The following SLC44A5 variants were observed in gnomAD, a reference collection of about 807,000 sequenced individuals.
SLC44A5 encodes the protein solute carrier family 44 member 5.
SLC44A5 carries 57 observed loss-of-function variants against 101.8 expected under a neutral mutation model. That is an observed-to-expected ratio of 0.56 (90% CI 0.45 to 0.70). SLC44A5 has a LOEUF of 0.70. Among genes scored for constraint, SLC44A5 ranks in the 30% least tolerant of loss-of-function variants. The pLI, the probability that SLC44A5 is intolerant of heterozygous loss-of-function variation, is 0.00. For missense variants in SLC44A5, 737 were observed against 853.1 expected (o/e 0.86, Z 1.70); for synonymous variants, 281 against 290.9 (o/e 0.97, Z 0.35).
chr1:75,256,709 C>T (rs749924466), intron 6 of SLC44A5, among the ~76,000 whole-genome samples: 15 of 151,774 alleles, frequency 9.9e-5, no homozygotes, highest in African/African-American at 1.9e-4. Context: ...TGAAAGGGAA[C>T]GAAAAGATGG....
chr1:75,513,841 T>C (rs1323809498), intron 2 of SLC44A5, among the ~76,000 whole-genome samples: 1 of 152,180 alleles, frequency 6.6e-6, no homozygotes, highest in Non-Finnish European at 1.5e-5. Context: ...ACTGCCATAT[T>C]ATCATTGTCT....
At chr1:75,313,485 T>C (rs1655460411) in intron 4 of SLC44A5, among the ~76,000 whole-genome samples, 1 of 152,232 alleles carries the variant, frequency 6.6e-6, no homozygotes. Flanking sequence ...GGCATCTGTC[T>C]TTTCTGTAAT....
intron 9 of SLC44A5, among the ~76,000 whole-genome samples, chr1:75,239,532 C>T (rs948921233): frequency 6.6e-6 from 1 of 152,014 alleles, no homozygotes; most frequent in South Asian, 2.1e-4. Context: ...ACTTTCCTGG[C>T]TTAAAAGGAT....
the SLC44A5 span, among the ~76,000 whole-genome samples, chr1:75,684,460 G>A: frequency 1.3e-5 from 2 of 152,102 alleles, no homozygotes; most frequent in African/African-American, 4.8e-5. Flanking sequence ...AGGAGCCCAT[G>A]AAATCAAAGC....
chr1:75,642,883 T>A, the SLC44A5 span, among the ~76,000 whole-genome samples: 1 of 152,076 alleles, frequency 6.6e-6, no homozygotes, highest in South Asian at 2.1e-4. Context: ...ACAGAAAAAA[T>A]TGTAAACAAA....
chr1:75,308,460 C>A (rs914501490), intron 4 of SLC44A5, among the ~76,000 whole-genome samples: 4 of 151,456 alleles, frequency 2.6e-5, no homozygotes, highest in Non-Finnish European at 5.9e-5. Context: ...TGAAAGGGGG[C>A]AAGATAAGAC....
intron 6 of SLC44A5, among the ~76,000 whole-genome samples, chr1:75,271,047 A>G (rs1320677520): frequency 6.6e-6 from 1 of 152,006 alleles, no homozygotes; most frequent in Non-Finnish European, 1.5e-5. Context: ...TTTGTGGGCA[A>G]TGTCTAGAAT....
chr1:75,722,531 C>G, the SLC44A5 span, among the ~76,000 whole-genome samples: 1 of 152,142 alleles, frequency 6.6e-6, no homozygotes, highest in East Asian at 1.9e-4. Flanking sequence ...ACAAATGTTT[C>G]TTATGATTAG....
intron 5 of SLC44A5, among the ~76,000 whole-genome samples, chr1:75,284,889 T>C (rs1570573452): frequency 6.6e-6 from 1 of 152,174 alleles, no homozygotes; most frequent in East Asian, 1.9e-4. Flanking sequence ...ATTGTTTTGA[T>C]GTGCTGTTGG....
At chr1:75,616,952 G>A in the SLC44A5 span, among the ~76,000 whole-genome samples, 1 of 152,176 alleles carries the variant, frequency 6.6e-6, no homozygotes, top group African/African-American at 2.4e-5. Context: ...CTCTCTGATT[G>A]GGGGTTTGCT....
Position 75,599,689 on chromosome 1 carries a change from C to A in SLC44A5, c.-70+11351G>T, listed in dbSNP as rs373601690. 3.9e-5 allele frequency among the ~76,000 whole-genome samples: 6 copies of A among 152,186 alleles called. No homozygotes were observed. In the East Asian group the frequency reaches 5.8e-4, roughly 15 times the overall value. On this transcript the variant is annotated intron_variant, in intron 1 of 23. Transcript: ENST00000370859. ...AATCTTGGAAAAAAATAGAAATTTT[C>A]AGAATTATACATGTGCACACACACA...
At chr1:75,395,173 A>G (rs1302504010) in intron 3 of SLC44A5, among the ~76,000 whole-genome samples, 1 of 152,066 alleles carries the variant, frequency 6.6e-6, no homozygotes, top group Non-Finnish European at 1.5e-5. Flanking sequence ...TGAGGGCTTT[A>G]TTTTAGGCCT....
chr1:75,506,707 T>C (rs1669276985), intron 2 of SLC44A5, among the ~76,000 whole-genome samples: 1 of 152,096 alleles, frequency 6.6e-6, no homozygotes, highest in South Asian at 2.1e-4. Context: ...GACACTTTAC[T>C]GAAGTTGTTT....
chr1:75,723,807 A>T, the SLC44A5 span: 3 of 152,228 alleles, frequency 2.0e-5, no homozygotes, highest in African/African-American at 7.2e-5. Flanking sequence ...AACACACTAT[A>T]AATTCCCAGA....
chr1:75,254,986 G>A (rs766448606), intron 6 of SLC44A5, among the ~76,000 whole-genome samples: 29 of 152,128 alleles, frequency 1.9e-4, no homozygotes, highest in Non-Finnish European at 3.1e-4. Flanking sequence ...GCTGGGCCAC[G>A]TGGAGCCCAT....
intron 23 of SLC44A5, among the ~76,000 whole-genome samples, chr1:75,208,914 C>A (rs1196907339): frequency 6.6e-6 from 1 of 152,034 alleles, no homozygotes; most frequent in Non-Finnish European, 1.5e-5. Context: ...GTAAAAATCA[C>A]CAGTTTTCTG....
intron 2 of SLC44A5, chr1:75,521,523 T>C (rs1235042426): frequency 6.6e-6 from 1 of 152,132 alleles, no homozygotes; most frequent in Non-Finnish European, 1.5e-5. Context: ...AACCATAGAG[T>C]ACTACAAAAC....
chr1:75,701,495 T>G, the SLC44A5 span, among the ~76,000 whole-genome samples: 43 of 152,256 alleles, frequency 2.8e-4, no homozygotes, highest in Admixed American at 6.5e-4. Context: ...GAGGTATTGA[T>G]GGGATGTATC....
At chr1:75,360,353 T>C (rs1659398417) in intron 3 of SLC44A5, among the ~76,000 whole-genome samples, 1 of 152,126 alleles carries the variant, frequency 6.6e-6, no homozygotes, top group Non-Finnish European at 1.5e-5. Context: ...TTTTATTTCA[T>C]AGACGGGGGT....
Sources: gnomAD v4.1 joint callset for allele counts (sites outside exome capture counted in the v4.1 genomes callset) on GRCh38, gnomAD v4.1.1 for gene constraint, MANE v1.5 for transcripts, NCBI Gene and HGNC (gene_info 2026-07-23, HGNC 2026-07-21) for gene names.